The following LIMCH1 variants were observed in gnomAD, a reference collection of about 807,000 sequenced individuals.
The protein encoded by LIMCH1 is LIM and calponin homology domains 1.
Under a neutral mutation model 176.5 loss-of-function variants are expected in LIMCH1, and 113 were observed. The ratio of observed to expected loss-of-function variants is 0.64; its 90% CI spans 0.55 to 0.75. The LOEUF is 0.75. Ranked by LOEUF, LIMCH1 falls within the 30% of genes least tolerant of loss-of-function variation. LIMCH1 has a pLI of 0.00. For missense variants in LIMCH1, 1,674 were observed against 1,814.9 expected (o/e 0.92, Z 1.41); for synonymous variants, 619 against 645.9 (o/e 0.96, Z 0.63).
In LIMCH1 at chr4:41,442,787, CCTTCCT is replaced by C. The variant is rs1465479080; in HGVS notation, c.97-51747_97-51742del. On this transcript the variant is annotated intron_variant, in intron 1 of 26. Transcript: ENST00000313860. ...ATTTAAACTGCACACATCTCCTACC[CCTTCCT>C]CCCTCTATTGTATCACATGTAATTA... 2.6e-5 allele frequency among the ~76,000 whole-genome samples: 4 copies of C among 152,316 alleles called. No individual in the cohort carries two copies. The East Asian group carries it at 7.7e-4, about 29-fold the overall frequency.
At chr4:41,388,607 TG>T (rs1301147918) in intron 1 of LIMCH1, among the ~76,000 whole-genome samples, 1 of 152,110 alleles carries the variant, frequency 6.6e-6, no homozygotes, top group African/African-American at 2.4e-5. Context: ...ACTTTTACAA[TG>T]GGTGAATTTT....
chr4:41,575,594 G>A (rs905457510), intron 1 of LIMCH1, among the ~76,000 whole-genome samples: 11 of 152,186 alleles, frequency 7.2e-5, no homozygotes, highest in African/African-American at 9.7e-5. Context: ...CATATCAGGC[G>A]CATCTTGTGA....
Position 41,620,491 on chromosome 4 carries a change from C to T in LIMCH1, c.526C>T (p.Gln176Ter), listed in dbSNP as rs1309574678. 2 of 1,536,308 alleles carry T rather than the reference C, an allele frequency of 1.3e-6. No homozygotes were observed. Among genetic ancestry groups the T allele is most frequent in the African/African-American group, 2.7e-5 (2 of 73,158 alleles). ...GSAGEDNPAG[Q>*]MNPGWKPSDG... Reference sequence around the variant, plus strand: ...TGCTGGTGAAGACAACCCAGCTGGCCAAATGAATCCTGGTTGGAAGCCTTC... The same window carrying T: ...TGCTGGTGAAGACAACCCAGCTGGCTAAATGAATCCTGGTTGGAAGCCTTC... Residue 176 changes from glutamine (Q) to a stop codon, truncating the protein, a stop_gained, in exon 7 of 32, where the codon CAA (glutamine) becomes TAA (stop). Coordinates refer to ENST00000503057, the MANE Select transcript of LIMCH1 (RefSeq NM_001330672.2). LOFTEE classifies it high-confidence loss of function.
At chr4:41,569,230 T>C (rs76600122) in intron 1 of LIMCH1, among the ~76,000 whole-genome samples, 4,478 of 152,272 alleles carry the variant, frequency 0.029, 200 homozygotes, top group African/African-American at 0.1. Flanking sequence ...AAGAGCTCAA[T>C]TGAAGACTTC....
chr4:41,373,824 G>T (rs2054326656), intron 1 of LIMCH1, among the ~76,000 whole-genome samples: 1 of 152,160 alleles, frequency 6.6e-6, no homozygotes, highest in Admixed American at 6.5e-5. Flanking sequence ...TGGAGGAGGG[G>T]CCTGGTGGGA....
At chr4:41,541,968 C>G (rs2078718196) in intron 1 of LIMCH1, among the ~76,000 whole-genome samples, 1 of 152,140 alleles carries the variant, frequency 6.6e-6, no homozygotes, top group Non-Finnish European at 1.5e-5. Flanking sequence ...AGGGCCCACC[C>G]CAGGTCCGAC....
chr4:41,394,353 A>T (rs2057578471), intron 1 of LIMCH1, among the ~76,000 whole-genome samples: 1 of 152,218 alleles, frequency 6.6e-6, no homozygotes, highest in Admixed American at 6.5e-5. Flanking sequence ...ACTTTTTATT[A>T]TACTCTGAAA....
At position 41,360,894 on chromosome 4, in the gene LIMCH1, G is replaced by A. The variant is rs1315748550; in HGVS notation, c.54G>A (p.Pro18=). The change falls in exon 1 of 27, where the codon CCG becomes CCA. Residue 18 remains proline (P), a synonymous_variant. Transcript: ENST00000313860. This position sits in a 1 kb window ranked among gnomAD's most constrained non-coding sequence, Gnocchi z 4.5. ...CTCTTCAGCCCCTGCAGCCCGAGCC[G>A]CCCCCCGAGCCCGCCTTCTCCGAGG... The A allele has an allele frequency of 6.3e-7, 1 of 1,587,476 alleles. No individual in the cohort carries two copies. The highest frequency in any genetic ancestry group is 8.5e-7 in the Non-Finnish European group (1 of 1,170,238).
upstream of LIMCH1, among the ~76,000 whole-genome samples, chr4:41,535,650 G>A (rs1335174917): frequency 2.6e-5 from 4 of 152,154 alleles, no homozygotes; most frequent in Admixed American, 2.6e-4. Flanking sequence ...GATACGAATT[G>A]GGGGAGGGAG....
intron 1 of LIMCH1, among the ~76,000 whole-genome samples, chr4:41,462,431 C>T (rs2154153712): frequency 6.6e-6 from 1 of 152,026 alleles, no homozygotes. Context: ...GATTACAATC[C>T]AGGAGATATC....
At chr4:41,405,818 A>G (rs750923524) in intron 1 of LIMCH1, among the ~76,000 whole-genome samples, 4 of 151,908 alleles carry the variant, frequency 2.6e-5, no homozygotes, top group Non-Finnish European at 4.4e-5. Context: ...TTGATTTTCA[A>G]TGATGATAGG....
intron 1 of LIMCH1, among the ~76,000 whole-genome samples, chr4:41,555,120 GAAT>G (rs1236364350): frequency 0.024 from 3,716 of 152,280 alleles, 138 homozygotes; most frequent in African/African-American, 0.08. Flanking sequence ...AACAAGGCAT[GAAT>G]AGTTAGCGGA....
intron 2 of LIMCH1, among the ~76,000 whole-genome samples, chr4:41,497,112 T>C (rs1210371598): frequency 6.6e-6 from 1 of 152,246 alleles, no homozygotes; most frequent in Non-Finnish European, 1.5e-5. Flanking sequence ...TTTGTGTTAT[T>C]CAAAATAGAA....
At chr4:41,598,360 T>A (rs1296209529) in intron 1 of LIMCH1, among the ~76,000 whole-genome samples, 1 of 152,164 alleles carries the variant, frequency 6.6e-6, no homozygotes, top group Non-Finnish European at 1.5e-5. Flanking sequence ...TCCCTGTCCT[T>A]TTTTCTCATT....
chr4:41,477,177 T>G (rs2067873361), intron 1 of LIMCH1, among the ~76,000 whole-genome samples: 1 of 152,122 alleles, frequency 6.6e-6, no homozygotes, highest in Non-Finnish European at 1.5e-5. Context: ...TACTTAATGG[T>G]CTGTACTTTT....
intron 1 of LIMCH1, among the ~76,000 whole-genome samples, chr4:41,551,982 G>T (rs1193413126): frequency 6.6e-6 from 1 of 152,210 alleles, no homozygotes; most frequent in African/African-American, 2.4e-5. Flanking sequence ...AAGGAAAGAG[G>T]TTTAATGGAC....
intron 31 of LIMCH1, among the ~76,000 whole-genome samples, chr4:41,694,110 TAAG>T (rs1482442497): frequency 6.6e-6 from 1 of 152,114 alleles, no homozygotes; most frequent in Non-Finnish European, 1.5e-5. Context: ...AGCTGAAAAA[TAAG>T]AAAGTGATTT....
At chr4:41,671,436 AC>A (rs2095026926) in intron 21 of LIMCH1, 117 bp from the exon 22 acceptor site, 3 of 677,750 alleles carry the variant, frequency 4.4e-6, no homozygotes, top group African/African-American at 1.8e-5. Context: ...ACACACACAC[AC>A]ACAAAATTGG....
At chr4:41,683,031 A>G (rs779621459) in intron 26 of LIMCH1, among the ~76,000 whole-genome samples, 2 of 152,126 alleles carry the variant, frequency 1.3e-5, no homozygotes, top group Non-Finnish European at 2.9e-5. Flanking sequence ...GGGGGGCAGT[A>G]TCAGTCTTCA....
Sources: gnomAD v4.1 joint callset for allele counts (sites outside exome capture counted in the v4.1 genomes callset) on GRCh38, gnomAD v4.1.1 for gene constraint, Gnocchi (gnomAD v3.1) non-coding constraint, MANE v1.5 for transcripts, NCBI Gene and HGNC (gene_info 2026-07-23, HGNC 2026-07-21) for gene names.